MYOM2: variants seen among roughly 807,000 people sequenced by gnomAD.
MYOM2 encodes myomesin-2.
MYOM2 carries 254 observed loss-of-function variants against 187.6 expected under a neutral mutation model. The ratio of observed to expected loss-of-function variants is 1.35; its 90% CI spans 1.22 to 1.50. MYOM2 has a LOEUF of 1.50. Among genes scored for constraint, MYOM2 ranks in the 40% most tolerant of loss-of-function variants. The probability of loss-of-function intolerance (pLI) is 0.00; values close to 1 mark genes in which losing one functional copy is unlikely to be tolerated. For missense variants in MYOM2, 2,796 were observed against 1,924.0 expected (o/e 1.45, Z -8.48); for synonymous variants, 981 against 753.8 (o/e 1.30, Z -4.94).
At chr8:2,107,689 C>T (rs898355075) in intron 23 of MYOM2, among the ~76,000 whole-genome samples, 2 of 152,100 alleles carry the variant, frequency 1.3e-5, no homozygotes, top group East Asian at 1.9e-4. Flanking sequence ...TTTCTGGGGT[C>T]CTCAGTTCAC....
At chr8:2,115,865 G>A in intron 25 of MYOM2, 95 bp from the exon 26 acceptor site, 2 of 1,372,216 alleles carry the variant, frequency 1.5e-6, no homozygotes. Context: ...ATAATCCCTT[G>A]AGATCTCATG....
rs868322863 is a variant in MYOM2, at chr8:2,085,552, C to T, written c.1644+162C>T. ...TGTGATCTCTGCGTGGCCCCACTGT[C>T]ATGATCTCTGCGTGGCCCCACTGTT... is the stretch of plus-strand genomic sequence containing the variant. On this transcript the variant is annotated intron_variant, in intron 14 of 36. Transcript: ENST00000262113. Among the ~76,000 whole-genome samples, 33 of 24,412 alleles carry T rather than the reference C, an allele frequency of 1.4e-3. 1 individual carries two copies. The highest frequency in any genetic ancestry group is 2.5e-3 in the South Asian group (2 of 810). 16.0% of individuals were successfully genotyped at this position (24,412 alleles called of 152,430 possible). A position where few individuals can be genotyped will look rare whatever the true frequency, so the allele number is the denominator to read the frequency against.
chr8:2,094,326 C>T (rs1401465153), intron 17 of MYOM2, among the ~76,000 whole-genome samples: 2 of 106,464 alleles, frequency 1.9e-5, no homozygotes, highest in Admixed American at 1.6e-4. Context: ...AAATAGAAAA[C>T]ATTGTTGTTG....
chr8:2,107,644 C>G (rs1282814773), intron 23 of MYOM2, among the ~76,000 whole-genome samples: 2 of 152,124 alleles, frequency 1.3e-5, no homozygotes, highest in Admixed American at 6.5e-5. Flanking sequence ...TAACAAGACA[C>G]AGGCAGACAA....
At chr8:2,106,049 T>A (rs1055448134) in intron 21 of MYOM2, among the ~76,000 whole-genome samples, 193 bp from the exon 22 acceptor site, 1 of 152,076 alleles carries the variant, frequency 6.6e-6, no homozygotes, top group Non-Finnish European at 1.5e-5. Flanking sequence ...TAAGACTCAG[T>A]CACTATCATG....
chr8:2,088,684 G>A (rs1796181589), intron 14 of MYOM2, among the ~76,000 whole-genome samples: 1 of 152,200 alleles, frequency 6.6e-6, no homozygotes, highest in South Asian at 2.1e-4. Flanking sequence ...GCAGGGTTGA[G>A]TCCATGTCTT....
rs550029563 is a variant in MYOM2 at position 2,134,820 on chromosome 8, C to T, written c.3800+5588C>T. Reference sequence around the variant, plus strand: ...GGAGCAATGCCTTATTTTCTGGGCCCGTAAAACATTCCCAACTCATCTCAT... The same window carrying T: ...GGAGCAATGCCTTATTTTCTGGGCCTGTAAAACATTCCCAACTCATCTCAT... On this transcript the variant is annotated intron_variant, in intron 32 of 36. Coordinates refer to ENST00000262113, the MANE Select transcript of MYOM2 (RefSeq NM_003970.4). 9.9e-5 allele frequency among the ~76,000 whole-genome samples: 15 copies of T among 152,198 alleles called. No individual in the cohort carries two copies. In the Middle Eastern group the frequency reaches 0.01, roughly 104 times the overall value.
chr8:2,080,558 G>T (rs1449082842), intron 13 of MYOM2, among the ~76,000 whole-genome samples: 3 of 152,194 alleles, frequency 2.0e-5, no homozygotes, highest in Non-Finnish European at 4.4e-5. Context: ...GCTGCAGAAG[G>T]ACCTAGAACT....
chr8:2,140,673 G>C (rs186440427), intron 32 of MYOM2, 50 bp from the exon 33 acceptor site: 1 of 1,588,884 alleles, frequency 6.3e-7, no homozygotes, highest in Non-Finnish European at 8.6e-7. Context: ...GACATTGTGC[G>C]TGTGACATGG....
chr8:2,106,655 G>A (rs1222753394), intron 23 of MYOM2, 58 bp downstream of exon 23: 1 of 1,244,720 alleles, frequency 8.0e-7, no homozygotes, highest in African/African-American at 1.5e-5. Context: ...TTCAAAGATT[G>A]ACACCAACAT....
intron 13 of MYOM2, 177 bp from the exon 14 acceptor site, chr8:2,085,086 T>G: frequency 1.5e-6 from 1 of 670,868 alleles, no homozygotes; most frequent in Non-Finnish European, 2.5e-6. Flanking sequence ...TGGCTGATCT[T>G]TATTGGTGCC....
In MYOM2 at chr8:2,145,083, G is replaced by A; in HGVS notation, c.*102G>A. Reference sequence around the variant, plus strand: ...AGCTGGCATCCGAGTGGTGTCCTGTGTGGGCTGATAGTTGATCACACATTG... The same window carrying A: ...AGCTGGCATCCGAGTGGTGTCCTGTATGGGCTGATAGTTGATCACACATTG... On this transcript the variant is annotated 3_prime_UTR_variant, in exon 37 of 37. Coordinates refer to ENST00000262113, the MANE Select transcript of MYOM2 (RefSeq NM_003970.4). 7.8e-7 allele frequency: 1 copy of A among 1,283,184 alleles called. No individual in the cohort carries two copies. Among genetic ancestry groups the A allele is most frequent in the Non-Finnish European group, 1.1e-6 (1 of 919,924 alleles). 79.5% of individuals were successfully genotyped at this position (1,283,184 alleles called of 1,614,324 possible). A position where few individuals can be genotyped will look rare whatever the true frequency, so the allele number is the denominator to read the frequency against.
intron 6 of MYOM2, among the ~76,000 whole-genome samples, chr8:2,067,716 G>A (rs978070639): frequency 1.3e-5 from 2 of 151,448 alleles, no homozygotes; most frequent in East Asian, 2.0e-4. Context: ...AGGTACTTGG[G>A]TTTTGTGAGC....
chr8:2,144,654 C>T lies in MYOM2; in HGVS notation c.4081-10C>T. Reference sequence around the variant, plus strand: ...ACTCTTCCTTCTCCACCAACCTCTTCCGTCCAAAGACCTTGAATCTGACCT... The same window carrying T: ...ACTCTTCCTTCTCCACCAACCTCTTTCGTCCAAAGACCTTGAATCTGACCT... On this transcript the variant is annotated splice_polypyrimidine_tract_variant and intron_variant, in intron 36 of 36. Coordinates refer to ENST00000262113, the MANE Select transcript of MYOM2 (RefSeq NM_003970.4). 1 of 1,612,196 alleles carries T rather than the reference C, an allele frequency of 6.2e-7. No homozygotes were observed. Among genetic ancestry groups the T allele is most frequent in the Non-Finnish European group, 8.5e-7 (1 of 1,179,606 alleles).
intron 25 of MYOM2, 78 bp downstream of exon 25, chr8:2,109,609 C>T: frequency 1.4e-6 from 2 of 1,435,032 alleles, no homozygotes; most frequent in South Asian, 1.3e-5. Context: ...TGAATATCAA[C>T]ATTCTCTGTC....
In MYOM2 at chr8:2,098,844, A is replaced by G; in HGVS notation, c.2314-13A>G. On this transcript the variant is annotated splice_polypyrimidine_tract_variant and intron_variant, in intron 18 of 36. Coordinates refer to ENST00000262113, the MANE Select transcript of MYOM2 (RefSeq NM_003970.4). ...CTTTATCTCATGTATTAATTTAAAC[A>G]AAATCTGAATAGGTGGACGGCTTGA... is the stretch of plus-strand genomic sequence containing the variant. 6.2e-7 allele frequency: 1 copy of G among 1,603,760 alleles called. No homozygotes were observed. The highest frequency in any genetic ancestry group is 8.5e-7 in the Non-Finnish European group (1 of 1,172,232).
intron 21 of MYOM2, among the ~76,000 whole-genome samples, chr8:2,104,558 T>C (rs556715223): frequency 6.6e-6 from 1 of 150,756 alleles, no homozygotes; most frequent in African/African-American, 2.4e-5. Context: ...TGAGCCGAGA[T>C]CGCGCCACTG....
chr8:2,084,934 C>G (rs971673366), intron 13 of MYOM2: 5 of 303,696 alleles, frequency 1.6e-5, no homozygotes, highest in African/African-American at 1.1e-4. Context: ...ATTCCCAACA[C>G]AGTCAGAGCC....
intron 21 of MYOM2, among the ~76,000 whole-genome samples, chr8:2,104,148 T>C (rs1796814779): frequency 1.3e-5 from 2 of 151,838 alleles, no homozygotes; most frequent in South Asian, 4.1e-4. Context: ...CAGAAAATTT[T>C]AAAAAGCTGT....
Sources: gnomAD v4.1 joint callset for allele counts (sites outside exome capture counted in the v4.1 genomes callset) on GRCh38, gnomAD v4.1.1 for gene constraint, MANE v1.5 for transcripts, NCBI Gene and HGNC (gene_info 2026-07-23, HGNC 2026-07-21) for gene names.